ZFYVE9: variants seen among roughly 807,000 people sequenced by gnomAD.
ZFYVE9 encodes the protein zinc finger FYVE-type containing 9, also known as zinc finger FYVE domain-containing protein 9.
In ZFYVE9, 43 loss-of-function variants were observed where a neutral mutation model predicts 126.7. The ratio of observed to expected loss-of-function variants is 0.34; its 90% CI spans 0.27 to 0.44. The LOEUF is 0.44. Among genes scored for constraint, ZFYVE9 ranks in the 20% least tolerant of loss-of-function variants. ZFYVE9 has a pLI of 1.00. For synonymous variants in ZFYVE9, 521 were observed against 597.4 expected (o/e 0.87, Z 1.87); for missense variants, 1,476 against 1,697.0 (o/e 0.87, Z 2.29).
chr1:52,309,821 C>G (rs1646121307), intron 13 of ZFYVE9, among the ~76,000 whole-genome samples: 1 of 152,044 alleles, frequency 6.6e-6, no homozygotes, highest in Admixed American at 6.6e-5. Context: ...GAGGGAGGGA[C>G]TAAGGAAAGA....
intron 5 of ZFYVE9, 172 bp downstream of exon 5, chr1:52,264,044 T>A (rs1310070402): frequency 1.0e-5 from 4 of 398,218 alleles, no homozygotes; most frequent in Non-Finnish European, 1.8e-5. Flanking sequence ...ATCTTAGCAT[T>A]TCAGAATTCC....
At position 52,278,531 on chromosome 1, in the gene ZFYVE9, T is replaced by C. The variant is rs1645770648; in HGVS notation, c.2786T>C (p.Met929Thr). 6.2e-7 allele frequency: 1 copy of C among 1,614,054 alleles called. No homozygotes were observed. The highest frequency in any genetic ancestry group is 1.3e-5 in the African/African-American group (1 of 75,058). ...GAGAAACCATCACAGATTTCAGTAATGCAGCAGTTGGAGGATGGTGGCCCT... is the reference window on the plus strand; with the variant it reads ...GAGAAACCATCACAGATTTCAGTAACGCAGCAGTTGGAGGATGGTGGCCCT... ...VEEKPSQISV[M>T]QQLEDGGPDP... Residue 929 changes from methionine to threonine, a missense_variant, in exon 9 of 19, where the codon ATG becomes ACG. Met to Thr is a moderately conservative substitution (Grantham distance 81). This residue lies in a region of ZFYVE9 where 669 missense variants were observed against 902.4 expected (regional missense o/e 0.74). Transcript: ENST00000287727.
intron 12 of ZFYVE9, among the ~76,000 whole-genome samples, chr1:52,300,609 A>AT (rs1410010411): frequency 6.7e-6 from 1 of 149,640 alleles, no homozygotes; most frequent in Non-Finnish European, 1.5e-5. Context: ...AAGAAAAAAA[A>AT]TCTTGTAGAT....
At chr1:52,240,752 A>G (rs1182102536) in intron 4 of ZFYVE9, among the ~76,000 whole-genome samples, 1 of 152,124 alleles carries the variant, frequency 6.6e-6, no homozygotes, top group Non-Finnish European at 1.5e-5. Context: ...GGGGCAAAAG[A>G]GCCTACTCTA....
Position 52,239,561 on chromosome 1 carries a change from C to T in ZFYVE9, c.2144C>T (p.Thr715Ile). 6.2e-7 allele frequency: 1 copy of T among 1,613,884 alleles called. No homozygotes were observed. Among genetic ancestry groups the T allele is most frequent in the Non-Finnish European group, 8.5e-7 (1 of 1,179,860 alleles). ...CMKCEARFTF[T>I]KRRHHCRACG... ...AAATGTGAAGCCAGGTTTACATTCA[C>T]CAAAAGGAGGCATCACTGCAGAGCA... The change falls in exon 4 of 19, where the codon ACC becomes ATC. Residue 715 changes from threonine to isoleucine, a missense_variant. By Grantham distance (89) the Thr-to-Ile change is moderately conservative. Around this residue, in one of 2 missense-constraint regions of ZFYVE9, gnomAD observed 669 missense variants for 902.4 expected, o/e 0.74. Coordinates refer to ENST00000287727, the MANE Select transcript of ZFYVE9 (RefSeq NM_004799.4).
intron 2 of ZFYVE9, among the ~76,000 whole-genome samples, chr1:52,222,802 G>A (rs762339286): frequency 6.6e-5 from 10 of 152,304 alleles, no homozygotes; most frequent in South Asian, 2.1e-4. Flanking sequence ...TGGTGACCAG[G>A]TTTAAGGAAG....
At chr1:52,297,195 T>TCA (rs1645985282) in intron 12 of ZFYVE9, among the ~76,000 whole-genome samples, 2 of 151,998 alleles carry the variant, frequency 1.3e-5, no homozygotes, top group African/African-American at 2.4e-5. Flanking sequence ...GGCAAGAAGG[T>TCA]CACAGACTCA....
At position 52,238,523 on chromosome 1, in the gene ZFYVE9, C is replaced by A. The variant is rs775335100; in HGVS notation, c.1106C>A (p.Ala369Asp). 1.9e-6 allele frequency: 3 copies of A among 1,613,896 alleles called. No individual in the cohort carries two copies. The Admixed American group carries it at 5.0e-5, about 27-fold the overall frequency. Residue 369 changes from alanine (A) to aspartate (D), a missense_variant, in exon 4 of 19, where the codon GCT (alanine) becomes GAT (aspartate). Ala to Asp is a moderately radical substitution (Grantham distance 126). Coordinates refer to ENST00000287727, the MANE Select transcript of ZFYVE9 (RefSeq NM_004799.4). ...SDCLVPNEVR[A>D]DENEGYEHEE... ...TGCCTTGTGCCTAATGAAGTTAGGG[C>A]TGATGAAAATGAAGGTTATGAACAT...
At chr1:52,251,662 T>C (rs1645448221) in intron 4 of ZFYVE9, among the ~76,000 whole-genome samples, 1 of 152,198 alleles carries the variant, frequency 6.6e-6, no homozygotes, top group African/African-American at 2.4e-5. Flanking sequence ...ATAGTTTTCT[T>C]ATAATATGTT....
At chr1:52,176,897 C>T (rs775707698) in intron 1 of ZFYVE9, among the ~76,000 whole-genome samples, 1 of 152,170 alleles carries the variant, frequency 6.6e-6, no homozygotes, top group Non-Finnish European at 1.5e-5. Context: ...CCGTCTGTCA[C>T]CCCTTTCCTT....
chr1:52,223,813 G>T (rs1645145828), intron 2 of ZFYVE9, among the ~76,000 whole-genome samples: 1 of 152,148 alleles, frequency 6.6e-6, no homozygotes, highest in Non-Finnish European at 1.5e-5. Flanking sequence ...CCTGGGCCAG[G>T]AATTTATGCT....
chr1:52,285,387 C>A (rs1645848082), intron 10 of ZFYVE9, among the ~76,000 whole-genome samples: 1 of 152,116 alleles, frequency 6.6e-6, no homozygotes, highest in Admixed American at 6.5e-5. Context: ...CTGTTAGGAA[C>A]CAGGCCACAC....
intron 4 of ZFYVE9, among the ~76,000 whole-genome samples, chr1:52,251,162 C>T (rs972457624): frequency 2.0e-5 from 3 of 152,042 alleles, no homozygotes; most frequent in African/African-American, 7.2e-5. Context: ...ACCTCTGCCT[C>T]TCGGGTTCAA....
At chr1:52,236,805 G>T (rs1235418888) in intron 3 of ZFYVE9, among the ~76,000 whole-genome samples, 2 of 152,098 alleles carry the variant, frequency 1.3e-5, no homozygotes, top group African/African-American at 4.8e-5. Flanking sequence ...TTTAACATGT[G>T]TTGGGCAAAT....
Position 52,238,397 on chromosome 1 carries a change from G to A in ZFYVE9, c.980G>A (p.Ser327Asn), listed in dbSNP as rs1645297654. 1.9e-6 allele frequency: 3 copies of A among 1,613,876 alleles called. No homozygotes were observed. The highest frequency in any genetic ancestry group is 2.5e-6 in the Non-Finnish European group (3 of 1,179,974). ...ATGAAAAAAGAGCCAGCAGAGGAGA[G>A]CACCACTGAAGAATCCCTCCGGTCT... Reference protein sequence around the residue: ...ILMKKEPAEESTTEESLRSGL... With the variant: ...ILMKKEPAEENTTEESLRSGL... The change falls in exon 4 of 19, where the codon AGC (serine) becomes AAC (asparagine). Residue 327 changes from serine to asparagine, a missense_variant. Physicochemically the swap from Ser to Asn is conservative, Grantham distance 46. Coordinates refer to ENST00000287727, the MANE Select transcript of ZFYVE9 (RefSeq NM_004799.4).
chr1:52,182,130 G>A (rs1644714880), intron 1 of ZFYVE9, among the ~76,000 whole-genome samples: 1 of 151,632 alleles, frequency 6.6e-6, no homozygotes, highest in Non-Finnish European at 1.5e-5. Context: ...GAGAGGTGGG[G>A]GGTCAGCCCC....
chr1:52,322,446 C>T (rs1026746796), intron 13 of ZFYVE9, among the ~76,000 whole-genome samples: 7 of 147,690 alleles, frequency 4.7e-5, no homozygotes, highest in Admixed American at 1.4e-4. Flanking sequence ...GGCGCGATCT[C>T]GGCTCACTGC....
chr1:52,344,656 G>A lies in ZFYVE9; in HGVS notation c.3940-112G>A, dbSNP rs1054581617. 18 of 1,173,042 alleles carry A rather than the reference G, an allele frequency of 1.5e-5. No individual in the cohort carries two copies. In the African/African-American group the frequency reaches 2.5e-4, roughly 16 times the overall value. The allele number at this position is 1,173,042 out of a possible 1,614,324, so 72.7% of individuals were successfully genotyped here. On this transcript the variant is annotated intron_variant, in intron 17 of 18. Transcript: ENST00000287727. ...AGGGACTTTATGGTGTCCTGTTCCTGTCATGTCTTCTTGCACATCTTGGAG... is the reference window on the plus strand; with the variant it reads ...AGGGACTTTATGGTGTCCTGTTCCTATCATGTCTTCTTGCACATCTTGGAG...
intron 13 of ZFYVE9, among the ~76,000 whole-genome samples, chr1:52,324,268 C>CGCAA (rs748870003): frequency 8.6e-5 from 13 of 150,922 alleles, no homozygotes; most frequent in Admixed American, 8.6e-4. Context: ...CACACACACA[C>CGCAA]ACACAAAAAC....
Sources: allele counts gnomAD v4.1 joint callset (sites outside exome capture counted in the v4.1 genomes callset), GRCh38; gene constraint gnomAD v4.1.1; regional missense constraint gnomAD v4.1.1; transcripts MANE v1.5; gene names NCBI Gene and HGNC (gene_info 2026-07-23, HGNC 2026-07-21).